The following CDH4 variants were observed in gnomAD, a reference collection of about 807,000 sequenced individuals.
CDH4 encodes cadherin-4.
CDH4 carries 33 observed loss-of-function variants against 86.0 expected under a neutral mutation model. That is an observed-to-expected ratio of 0.38 (90% CI 0.29 to 0.51). The LOEUF (loss-of-function observed/expected upper bound fraction) is 0.51, where lower values mean the gene tolerates loss of function less well. Ranked by LOEUF, CDH4 falls within the 20% of genes least tolerant of loss-of-function variation. The probability of loss-of-function intolerance (pLI) is 0.86; values close to 1 mark genes in which losing one functional copy is unlikely to be tolerated. For synonymous variants in CDH4, 555 were observed against 549.4 expected (o/e 1.01, Z -0.14); for missense variants, 1,114 against 1,307.4 (o/e 0.85, Z 2.28).
At chr20:61,870,582 C>T (rs187206638) in intron 6 of CDH4, among the ~76,000 whole-genome samples, 32 of 152,252 alleles carry the variant, frequency 2.1e-4, no homozygotes, top group African/African-American at 2.2e-4. Flanking sequence ...CCCCTTTCTG[C>T]GACAGGCATG....
intron 2 of CDH4, among the ~76,000 whole-genome samples, chr20:61,699,098 C>T (rs541103221): frequency 6.6e-6 from 1 of 152,364 alleles, no homozygotes; most frequent in South Asian, 2.1e-4. Flanking sequence ...CTTTTCTGTT[C>T]TCATTACAGC....
chr20:61,899,159 G>T lies in CDH4; in HGVS notation c.1188+4112G>T, dbSNP rs569371943. On this transcript the variant is annotated intron_variant, in intron 8 of 15. Transcript: ENST00000614565. ...AAATATATATTTTAAAAAAAAATTA[G>T]CCGGGTGTGGTGGTGCGCACCTGTA... Among the ~76,000 whole-genome samples, 15 of 152,076 alleles carry T rather than the reference G, an allele frequency of 9.9e-5. No individual in the cohort carries two copies. In the East Asian group the frequency reaches 2.7e-3, roughly 28 times the overall value.
chr20:61,936,731 C>A lies in CDH4; in HGVS notation c.2545-6C>A. ...TGCACCCTAACTCTGTGTCTGTGAC[C>A]CCCAGGGACTCCGCGCTGCTGACAA... On this transcript the variant is annotated splice_region_variant and splice_polypyrimidine_tract_variant and intron_variant, in intron 15 of 15. Transcript: ENST00000614565. The A allele has an allele frequency of 6.5e-7, 1 of 1,544,988 alleles. No individual in the cohort carries two copies. Among genetic ancestry groups the A allele is most frequent in the Non-Finnish European group, 8.7e-7 (1 of 1,146,920 alleles).
intron 2 of CDH4, among the ~76,000 whole-genome samples, chr20:61,354,151 C>G (rs992816774): frequency 1.3e-5 from 2 of 151,416 alleles, no homozygotes; most frequent in Non-Finnish European, 3.0e-5. Context: ...GTGCCGCCGA[C>G]CGTCCTACAG....
intron 2 of CDH4, among the ~76,000 whole-genome samples, chr20:61,527,822 C>T (rs57494016): frequency 0.012 from 1,833 of 152,112 alleles, 42 homozygotes; most frequent in African/African-American, 0.041. Context: ...ATGTGTGCCA[C>T]GCCAACATGA....
chr20:61,780,742 T>C (rs1017360152), intron 4 of CDH4, among the ~76,000 whole-genome samples: 2 of 152,230 alleles, frequency 1.3e-5, no homozygotes, highest in Admixed American at 6.5e-5. Flanking sequence ...ACAGAATCTG[T>C]TGGGGACTCC....
chr20:61,622,496 G>C (rs2086786780), intron 2 of CDH4, among the ~76,000 whole-genome samples: 1 of 152,266 alleles, frequency 6.6e-6, no homozygotes, highest in South Asian at 2.1e-4. Flanking sequence ...CCGAGGACCA[G>C]ACACTTGTGG....
At chr20:61,376,977 C>A (rs1290474602) in intron 2 of CDH4, among the ~76,000 whole-genome samples, 1 of 152,166 alleles carries the variant, frequency 6.6e-6, no homozygotes, top group Admixed American at 6.5e-5. Context: ...TTCTTTGGGG[C>A]CAACTCTTTC....
chr20:61,321,525 G>T (rs918491833), intron 2 of CDH4, among the ~76,000 whole-genome samples: 2 of 152,088 alleles, frequency 1.3e-5, no homozygotes, highest in Non-Finnish European at 2.9e-5. Flanking sequence ...TTTTCCACGG[G>T]TCAGTGTGTT....
intron 2 of CDH4, among the ~76,000 whole-genome samples, chr20:61,270,768 G>A (rs1283284385): frequency 6.6e-6 from 1 of 152,216 alleles, no homozygotes; most frequent in South Asian, 2.1e-4. Context: ...TGGTAGTGGG[G>A]TGGGGGTAGT....
intron 3 of CDH4, among the ~76,000 whole-genome samples, chr20:61,762,125 A>AGGT (rs1297179947): frequency 6.6e-6 from 1 of 152,258 alleles, no homozygotes; most frequent in African/African-American, 2.4e-5. Flanking sequence ...TCCAGTCTGC[A>AGGT]GGTGGTGGAC....
At chr20:61,718,337 C>A (rs1402285220) in intron 2 of CDH4, 1 of 167,296 alleles carries the variant, frequency 6.0e-6, no homozygotes, top group Non-Finnish European at 1.3e-5. Flanking sequence ...AGTCACTGTT[C>A]TTCCTGGATC....
At chr20:61,488,637 A>G (rs565373556) in intron 2 of CDH4, among the ~76,000 whole-genome samples, 34 of 152,234 alleles carry the variant, frequency 2.2e-4, no homozygotes, top group African/African-American at 7.7e-4. Context: ...GGAGAGACAA[A>G]AGAGAGAGAG....
intron 2 of CDH4, among the ~76,000 whole-genome samples, chr20:61,691,143 G>A (rs749876018): frequency 2.0e-5 from 3 of 151,668 alleles, no homozygotes; most frequent in Non-Finnish European, 2.9e-5. Flanking sequence ...ATGATTTACC[G>A]CTAGATTTGG....
chr20:61,492,459 G>A (rs114852767), intron 2 of CDH4, among the ~76,000 whole-genome samples: 3,418 of 152,262 alleles, frequency 0.022, 134 homozygotes, highest in African/African-American at 0.077. Context: ...TATTGTTGAT[G>A]TTGGTGATGT....
intron 2 of CDH4, among the ~76,000 whole-genome samples, chr20:61,270,390 C>T (rs2084177499): frequency 6.6e-6 from 1 of 152,190 alleles, no homozygotes; most frequent in Non-Finnish European, 1.5e-5. Flanking sequence ...GATTATATAA[C>T]TTGTTTTATC....
chr20:61,384,442 C>T (rs960879553), intron 2 of CDH4, among the ~76,000 whole-genome samples: 1 of 152,202 alleles, frequency 6.6e-6, no homozygotes, highest in Non-Finnish European at 1.5e-5. Context: ...GGCCGTGCTT[C>T]CACAGCGTGG....
At chr20:61,286,940 C>G (rs1260740749) in intron 2 of CDH4, among the ~76,000 whole-genome samples, 15 of 152,214 alleles carry the variant, frequency 9.9e-5, no homozygotes. Flanking sequence ...TTGTCTTAAA[C>G]ATACTGGATG....
intron 2 of CDH4, among the ~76,000 whole-genome samples, chr20:61,712,778 C>T (rs971673816): frequency 6.6e-6 from 1 of 152,176 alleles, no homozygotes; most frequent in Admixed American, 6.5e-5. Context: ...GCTCCCCATG[C>T]CCAGCCTCAT....
Sources: gnomAD v4.1 joint callset for allele counts (sites outside exome capture counted in the v4.1 genomes callset) on GRCh38, gnomAD v4.1.1 for gene constraint, MANE v1.5 for transcripts, NCBI Gene and HGNC (gene_info 2026-07-23, HGNC 2026-07-21) for gene names.